The following NCOA7 variants were observed in gnomAD, a reference collection of about 807,000 sequenced individuals.
The protein encoded by NCOA7 is nuclear receptor coactivator 7, also known as 140 kDa estrogen receptor-associated protein.
Under a neutral mutation model 104.3 loss-of-function variants are expected in NCOA7, and 45 were observed. The observed-to-expected ratio is 0.43, with a 90% CI of 0.34 to 0.55. The LOEUF (loss-of-function observed/expected upper bound fraction) is 0.55. Ranked by LOEUF, NCOA7 falls within the 20% of genes least tolerant of loss-of-function variation. NCOA7 has a pLI of 0.02. For synonymous variants in NCOA7, 398 were observed against 402.3 expected (o/e 0.99, Z 0.13); for missense variants, 1,041 against 1,119.7 (o/e 0.93, Z 1.00).
intron 1 of NCOA7, among the ~76,000 whole-genome samples, chr6:125,785,528 C>G (rs1371373224): frequency 6.6e-6 from 1 of 152,014 alleles, no homozygotes; most frequent in Non-Finnish European, 1.5e-5. Context: ...GAAAAAAACC[C>G]CTATTAGCAT....
intron 13 of NCOA7, among the ~76,000 whole-genome samples, chr6:125,923,864 C>T (rs1039227634): frequency 5.9e-5 from 9 of 152,078 alleles, no homozygotes; most frequent in Admixed American, 5.9e-4. Context: ...TCATGATTTG[C>T]CTTGGGAAAA....
In NCOA7 at chr6:125,929,968, AC is replaced by A. The variant is rs1208826847; in HGVS notation, c.*1198del. 3 of 152,212 alleles carry A rather than the reference AC, an allele frequency of 2.0e-5. No individual in the cohort carries two copies. The highest frequency in any genetic ancestry group is 6.5e-5 in the Admixed American group (1 of 15,274). The allele number at this position is 152,212 out of a possible 1,614,324, so 9.4% of individuals were successfully genotyped here. ...CTTGATTCATTTATTTGAGAAAAAA[AC>A]AATACAAAGAAATGCATTCATATCA... On this transcript the variant is annotated 3_prime_UTR_variant, in exon 16 of 16. Coordinates refer to ENST00000392477, the MANE Select transcript of NCOA7 (RefSeq NM_181782.5).
intron 1 of NCOA7, among the ~76,000 whole-genome samples, chr6:125,798,429 T>G (rs2128550545): frequency 6.6e-6 from 1 of 152,348 alleles, no homozygotes; most frequent in Non-Finnish European, 1.5e-5. Context: ...TTATGTAAAG[T>G]ACTTGGAACC....
intron 1 of NCOA7, chr6:125,810,234 G>A (rs1437505265): frequency 6.6e-6 from 1 of 152,222 alleles, no homozygotes; most frequent in Non-Finnish European, 1.5e-5. Flanking sequence ...TCAGTTTGGT[G>A]TAGTTAAGGG....
At chr6:125,823,096 G>A (rs117918298) in intron 2 of NCOA7, among the ~76,000 whole-genome samples, 20 of 152,202 alleles carry the variant, frequency 1.3e-4, no homozygotes, top group Non-Finnish European at 2.2e-4. Context: ...GAGATGAAGC[G>A]ATCCACAGCA....
intron 3 of NCOA7, among the ~76,000 whole-genome samples, chr6:125,857,144 C>A (rs1409011411): frequency 6.6e-6 from 1 of 152,138 alleles, no homozygotes; most frequent in Non-Finnish European, 1.5e-5. Flanking sequence ...AAAGATACTT[C>A]TGTACTATTA....
At chr6:125,895,820 C>T (rs1053153571) in intron 10 of NCOA7, among the ~76,000 whole-genome samples, 28 of 151,900 alleles carry the variant, frequency 1.8e-4, no homozygotes, top group African/African-American at 6.8e-4. Flanking sequence ...AGGACAGCAC[C>T]AAGCAATGAG....
chr6:125,854,505 G>A (rs917411813), intron 2 of NCOA7, among the ~76,000 whole-genome samples: 1 of 152,126 alleles, frequency 6.6e-6, no homozygotes, highest in African/African-American at 2.4e-5. Flanking sequence ...ATTGCCATAT[G>A]TTTAAAGGAA....
intron 13 of NCOA7, among the ~76,000 whole-genome samples, chr6:125,923,128 G>T (rs1787734780): frequency 6.6e-6 from 1 of 152,204 alleles, no homozygotes; most frequent in Non-Finnish European, 1.5e-5. Flanking sequence ...AAGTGGAAAA[G>T]TATAATGATA....
At chr6:125,857,615 C>T (rs569433343) in intron 3 of NCOA7, among the ~76,000 whole-genome samples, 5 of 151,952 alleles carry the variant, frequency 3.3e-5, no homozygotes, top group East Asian at 3.9e-4. Flanking sequence ...GGCTGGAGTG[C>T]CATGGCACAA....
intron 3 of NCOA7, among the ~76,000 whole-genome samples, chr6:125,856,477 C>G (rs941997178): frequency 6.6e-6 from 1 of 152,034 alleles, no homozygotes; most frequent in Non-Finnish European, 1.5e-5. Flanking sequence ...CTCAGCCTCC[C>G]GAGTAGCTGG....
At chr6:125,871,998 G>GAAAAAAA (rs530879162) in intron 3 of NCOA7, among the ~76,000 whole-genome samples, 1 of 89,758 alleles carries the variant, frequency 1.1e-5, no homozygotes, top group Non-Finnish European at 2.3e-5. Flanking sequence ...CCCTGTCTCA[G>GAAAAAAA]AAAAAAAAAA....
intron 1 of NCOA7, among the ~76,000 whole-genome samples, chr6:125,782,829 T>A (rs1015889103): frequency 1.3e-5 from 2 of 152,200 alleles, no homozygotes; most frequent in African/African-American, 4.8e-5. Context: ...CCCCAGAACA[T>A]GTTGACATGT....
At chr6:125,895,963 ATATG>A (rs1369395290) in intron 10 of NCOA7, among the ~76,000 whole-genome samples, 1 of 137,350 alleles carries the variant, frequency 7.3e-6, no homozygotes, top group African/African-American at 3.2e-5. Context: ...ATATATGTAT[ATATG>A]TGTGTGTGTG....
chr6:125,833,899 C>G (rs1189269998), intron 2 of NCOA7, among the ~76,000 whole-genome samples: 1 of 152,160 alleles, frequency 6.6e-6, no homozygotes, highest in Non-Finnish European at 1.5e-5. Context: ...AAGTAAGGCC[C>G]TTCTTCCCTT....
At chr6:125,819,418 A>G (rs1026720613) in intron 2 of NCOA7, among the ~76,000 whole-genome samples, 4 of 151,690 alleles carry the variant, frequency 2.6e-5, no homozygotes, top group Non-Finnish European at 5.9e-5. Context: ...GTAATTCTGG[A>G]TAAGACCTGA....
At chr6:125,915,215 A>G in intron 10 of NCOA7, 118 bp from the exon 11 acceptor site, 1 of 1,291,590 alleles carries the variant, frequency 7.7e-7, no homozygotes. Flanking sequence ...GGAAATTTTC[A>G]AATTAGTAAA....
chr6:125,873,568 G>T (rs948257606), intron 3 of NCOA7, among the ~76,000 whole-genome samples: 1 of 152,224 alleles, frequency 6.6e-6, no homozygotes, highest in East Asian at 1.9e-4. Context: ...TTACCCTCTA[G>T]CTCCCCATTG....
chr6:125,915,697 A>G (rs765238839), intron 11 of NCOA7, among the ~76,000 whole-genome samples: 3 of 152,104 alleles, frequency 2.0e-5, no homozygotes, highest in African/African-American at 4.8e-5. Flanking sequence ...ACCACACTAG[A>G]TGAATCTACT....
Sources: allele counts gnomAD v4.1 joint callset (sites outside exome capture counted in the v4.1 genomes callset), GRCh38; gene constraint gnomAD v4.1.1; transcripts MANE v1.5; gene names NCBI Gene and HGNC (gene_info 2026-07-23, HGNC 2026-07-21).